Variants in GRM8 observed in about 807,000 individuals in gnomAD.
GRM8 encodes glutamate metabotropic receptor 8.
GRM8 carries 47 observed loss-of-function variants against 87.2 expected under a neutral mutation model. The observed-to-expected ratio is 0.54, with a 90% CI of 0.43 to 0.69. GRM8 has a LOEUF of 0.69. Among genes scored for constraint, GRM8 ranks in the 30% least tolerant of loss-of-function variants. The pLI is 0.00. For missense variants in GRM8, 1,019 were observed against 1,139.2 expected (o/e 0.89, Z 1.52); for synonymous variants, 396 against 404.5 (o/e 0.98, Z 0.25).
At chr7:127,157,676 T>C (rs917728273) in intron 2 of GRM8, among the ~76,000 whole-genome samples, 3 of 152,096 alleles carry the variant, frequency 2.0e-5, no homozygotes, top group Non-Finnish European at 2.9e-5. Context: ...GACACAAAAA[T>C]GTAAGTTGGT....
rs375394272 is a variant in GRM8, at chr7:126,962,314, T to C, written c.728-57631A>G. On this transcript the variant is annotated intron_variant, in intron 3 of 10. Coordinates refer to ENST00000339582, the MANE Select transcript of GRM8 (RefSeq NM_000845.3). The stretch of plus-strand genomic sequence containing the variant: ...GTAGAGACACTATTCAGACCAGGTA[T>C]GTTCAAATGCCAAAGCCCAGCTTTT... 2.9e-4 allele frequency among the ~76,000 whole-genome samples: 44 copies of C among 152,340 alleles called. No individual in the cohort carries two copies. In the East Asian group the frequency reaches 7.9e-3, roughly 27 times the overall value.
At chr7:126,626,222 T>C (rs540548097) in intron 7 of GRM8, among the ~76,000 whole-genome samples, 1 of 152,186 alleles carries the variant, frequency 6.6e-6, no homozygotes, top group East Asian at 1.9e-4. Flanking sequence ...AAAGATTCTC[T>C]TTCCATCTGG....
chr7:127,188,911 T>G (rs1382557551), intron 2 of GRM8, among the ~76,000 whole-genome samples: 1 of 152,226 alleles, frequency 6.6e-6, no homozygotes, highest in African/African-American at 2.4e-5. Flanking sequence ...TTATCTTGTA[T>G]TAAACGATCA....
intron 7 of GRM8, among the ~76,000 whole-genome samples, chr7:126,742,641 G>T (rs1261003690): frequency 6.6e-6 from 1 of 151,590 alleles, no homozygotes; most frequent in Non-Finnish European, 1.5e-5. Context: ...GAATATAACC[G>T]ACAAACCAAG....
chr7:126,740,058 C>T (rs1416839342), intron 7 of GRM8, among the ~76,000 whole-genome samples: 1 of 152,100 alleles, frequency 6.6e-6, no homozygotes, highest in Non-Finnish European at 1.5e-5. Flanking sequence ...TGACACATGA[C>T]TGTATCAATA....
At chr7:126,957,622 G>A (rs962244576) in intron 3 of GRM8, among the ~76,000 whole-genome samples, 4 of 152,222 alleles carry the variant, frequency 2.6e-5, no homozygotes, top group Admixed American at 6.5e-5. Flanking sequence ...CTGGGTATGC[G>A]TGCACTGAAA....
At chr7:127,182,861 A>G (rs188553107) in intron 2 of GRM8, among the ~76,000 whole-genome samples, 1 of 151,960 alleles carries the variant, frequency 6.6e-6, no homozygotes, top group Non-Finnish European at 1.5e-5. Flanking sequence ...ACAAAAAGGC[A>G]TAAGAATGAT....
chr7:126,994,016 G>A (rs10236204), intron 3 of GRM8, among the ~76,000 whole-genome samples: 50,118 of 152,008 alleles, frequency 0.33, 8,400 homozygotes, highest in Non-Finnish European at 0.37. Context: ...GCCAGCTAGG[G>A]GAGTGCTTGT....
intron 2 of GRM8, among the ~76,000 whole-genome samples, chr7:127,129,418 T>C (rs1333295333): frequency 6.6e-6 from 1 of 152,218 alleles, no homozygotes; most frequent in Admixed American, 6.5e-5. Flanking sequence ...AACTTCTTGT[T>C]AGTATAATTT....
chr7:126,745,081 T>A (rs1190109482), intron 7 of GRM8, among the ~76,000 whole-genome samples: 1 of 151,864 alleles, frequency 6.6e-6, no homozygotes, highest in African/African-American at 2.4e-5. Context: ...ACACAAGAGC[T>A]TCCTGGAATC....
intron 7 of GRM8, among the ~76,000 whole-genome samples, chr7:126,617,533 C>T (rs376536144): frequency 1.3e-5 from 2 of 152,096 alleles, no homozygotes; most frequent in East Asian, 1.9e-4. Flanking sequence ...CCAGGGCAAT[C>T]AGGCAGGAGA....
intron 3 of GRM8, among the ~76,000 whole-genome samples, chr7:127,070,302 G>A (rs976594996): frequency 2.6e-5 from 4 of 152,030 alleles, no homozygotes; most frequent in South Asian, 2.1e-4. Flanking sequence ...CATTCTGAGC[G>A]CCTCTGTGTT....
intron 3 of GRM8, among the ~76,000 whole-genome samples, chr7:126,907,999 A>G (rs1291029815): frequency 5.9e-5 from 9 of 152,220 alleles, no homozygotes; most frequent in Admixed American, 5.9e-4. Context: ...GTGACCAGTT[A>G]TGTGATGGTA....
At chr7:127,190,798 T>C (rs1172086057) in intron 2 of GRM8, among the ~76,000 whole-genome samples, 1 of 152,216 alleles carries the variant, frequency 6.6e-6, no homozygotes, top group East Asian at 1.9e-4. Flanking sequence ...AGCTCAGACA[T>C]TATTTTTTTA....
At chr7:126,886,847 A>G (rs1238803482) in intron 6 of GRM8, among the ~76,000 whole-genome samples, 1 of 152,152 alleles carries the variant, frequency 6.6e-6, no homozygotes, top group East Asian at 1.9e-4. Flanking sequence ...AAAATATATA[A>G]AATGTAAAGT....
chr7:127,033,525 A>C (rs1817581764), intron 3 of GRM8, among the ~76,000 whole-genome samples: 1 of 152,152 alleles, frequency 6.6e-6, no homozygotes, highest in South Asian at 2.1e-4. Flanking sequence ...CCTTACAAAA[A>C]TTTTATTTTA....
At chr7:126,784,756 T>A (rs150407479) in intron 6 of GRM8, among the ~76,000 whole-genome samples, 97 of 151,728 alleles carry the variant, frequency 6.4e-4, no homozygotes, top group African/African-American at 2.3e-3. Flanking sequence ...TTAGGAAAAC[T>A]GAAGCTCAGG....
chr7:126,837,031 G>A (rs1053840934), intron 6 of GRM8, among the ~76,000 whole-genome samples: 2 of 150,652 alleles, frequency 1.3e-5, no homozygotes, highest in African/African-American at 2.4e-5. Context: ...ATTCACTTTT[G>A]CAAATTGGAA....
intron 6 of GRM8, among the ~76,000 whole-genome samples, chr7:126,886,063 T>C (rs1041304578): frequency 1.3e-5 from 2 of 152,132 alleles, no homozygotes; most frequent in African/African-American, 4.8e-5. Flanking sequence ...GCAGGTACAA[T>C]GACGTTCAGC....
Sources: allele counts gnomAD v4.1 joint callset (sites outside exome capture counted in the v4.1 genomes callset), GRCh38; gene constraint gnomAD v4.1.1; transcripts MANE v1.5; gene names NCBI Gene and HGNC (gene_info 2026-07-23, HGNC 2026-07-21).